The following VPS13B variants were observed in gnomAD, a reference collection of about 807,000 sequenced individuals.
The protein encoded by VPS13B is intermembrane lipid transfer protein VPS13B.
VPS13B carries 285 observed loss-of-function variants against 426.4 expected under a neutral mutation model. The ratio of observed to expected loss-of-function variants is 0.67; its 90% CI spans 0.61 to 0.74. The LOEUF (loss-of-function observed/expected upper bound fraction) is 0.74. VPS13B is among the 30% of genes least tolerant of loss of function. VPS13B has a pLI of 0.00. For synonymous variants in VPS13B, 1,676 were observed against 1,676.4 expected, an observed-to-expected ratio of 1.00 and a Z score of 0.01; for missense variants, 4,537 against 4,782.6, an observed-to-expected ratio of 0.95 and a Z score of 1.51.
chr8:99,322,890 G>A (rs553578128), intron 19 of VPS13B, among the ~76,000 whole-genome samples: 5 of 152,284 alleles, frequency 3.3e-5, no homozygotes, highest in Non-Finnish European at 7.4e-5. Context: ...TCTGATGTGT[G>A]TTATCTTCTG....
intron 22 of VPS13B, 82 bp from the exon 23 acceptor site, chr8:99,442,319 T>G (rs1435699734): frequency 1.8e-5 from 21 of 1,196,390 alleles, no homozygotes; most frequent in Non-Finnish European, 2.5e-5. Context: ...TTTTTTTGGT[T>G]GTTTATTCTG....
At chr8:99,585,339 G>A (rs1191856682) in intron 33 of VPS13B, among the ~76,000 whole-genome samples, 1 of 152,128 alleles carries the variant, frequency 6.6e-6, no homozygotes, top group African/African-American at 2.4e-5. Flanking sequence ...GTTATGCTTA[G>A]TCTTTTTTGG....
At chr8:99,778,399 G>A (rs558509607) in intron 41 of VPS13B, among the ~76,000 whole-genome samples, 1 of 152,240 alleles carries the variant, frequency 6.6e-6, no homozygotes, top group African/African-American at 2.4e-5. Context: ...ATAGATACCT[G>A]CTTTTCAGTT....
In VPS13B at chr8:99,763,140, A is replaced by G. The variant is rs1423855463; in HGVS notation, c.7051-3634A>G. ...AACAGAGTGAGACCTTGTCTCAAAA[A>G]AAAAAAAAAAAAAAAAAAAAAAAAA... On this transcript the variant is annotated intron_variant, in intron 39 of 61. Transcript: ENST00000357162. 4.4e-3 allele frequency among the ~76,000 whole-genome samples: 455 copies of G among 103,580 alleles called. 2 individuals are homozygous for G. Among genetic ancestry groups the G allele is most frequent in the African/African-American group, 0.014 (428 of 31,372 alleles). The allele number at this position is 103,580 out of a possible 152,430, so 68.0% of individuals were successfully genotyped here. A position where few individuals can be genotyped will look rare whatever the true frequency, so the allele number is the denominator to read the frequency against.
chr8:99,447,365 A>T (rs1352732522), intron 23 of VPS13B, among the ~76,000 whole-genome samples: 1 of 152,156 alleles, frequency 6.6e-6, no homozygotes, highest in Non-Finnish European at 1.5e-5. Context: ...AGCGTTTGTG[A>T]GAGGATCATA....
Position 99,778,697 on chromosome 8 carries a change from T to A in VPS13B, c.7445T>A (p.Leu2482Gln). The A allele has an allele frequency of 6.2e-7, 1 of 1,613,952 alleles. No homozygotes were observed. The highest frequency in any genetic ancestry group is 8.5e-7 in the Non-Finnish European group (1 of 1,179,872). ...DQLGTAAPQY[L>Q]QPFVSDRNMP... Reference sequence around the variant, plus strand: ...TTCTCAACAGCTGCACCACAGTACCTACAGCCATTTGTTTCCGACAGAAAT... The same window carrying A: ...TTCTCAACAGCTGCACCACAGTACCAACAGCCATTTGTTTCCGACAGAAAT... The change falls in exon 42 of 62, where the codon CTA (leucine) becomes CAA (glutamine). Residue 2482 changes from leucine (L) to glutamine (Q), a missense_variant. Leu to Gln is a moderately radical substitution (Grantham distance 113, BLOSUM62 -2). Coordinates refer to ENST00000357162, the MANE Select transcript of VPS13B (RefSeq NM_152564.5).
At chr8:99,355,189 C>T (rs1812112599) in intron 19 of VPS13B, among the ~76,000 whole-genome samples, 1 of 152,170 alleles carries the variant, frequency 6.6e-6, no homozygotes, top group African/African-American at 2.4e-5. Context: ...TTCTATCTCA[C>T]TTAGAGTGAT....
intron 33 of VPS13B, among the ~76,000 whole-genome samples, chr8:99,593,356 G>A (rs1826793200): frequency 6.6e-6 from 1 of 152,080 alleles, no homozygotes; most frequent in Non-Finnish European, 1.5e-5. Context: ...AAACCACAAT[G>A]AGATACCATC....
At chr8:99,655,528 C>T (rs761522880) in intron 34 of VPS13B, among the ~76,000 whole-genome samples, 4 of 152,056 alleles carry the variant, frequency 2.6e-5, no homozygotes, top group Non-Finnish European at 5.9e-5. Flanking sequence ...TAGGGAGTCC[C>T]GAGGAGGTGG....
intron 19 of VPS13B, chr8:99,340,244 C>T (rs772815607): frequency 5.1e-6 from 1 of 194,262 alleles, no homozygotes. Context: ...TTAGTTGGAA[C>T]AGTTGGAACC....
At chr8:99,487,220 G>C (rs1423542814) in intron 25 of VPS13B, among the ~76,000 whole-genome samples, 1 of 151,978 alleles carries the variant, frequency 6.6e-6, no homozygotes, top group Non-Finnish European at 1.5e-5. Context: ...GAGGGCCAAA[G>C]AAAAGATATG....
rs1369894896 is a variant in VPS13B, at chr8:99,391,661, C to T, written c.3039C>T (p.Ala1013=). The change falls in exon 21 of 62, where the codon GCC becomes GCT. Residue 1013 remains alanine (A), a synonymous_variant. Coordinates refer to ENST00000357162, the MANE Select transcript of VPS13B (RefSeq NM_152564.5). ...TGGCAAAGCAGCAATCATATCAGGC[C>T]TCTGAATATGCCAGCAGCCCTGTAA... The part of the protein sequence containing the change: ...APLAKQQSYQ[A]SEYASSPVKT... 1.9e-6 allele frequency: 3 copies of T among 1,614,124 alleles called. No individual in the cohort carries two copies. In the South Asian group the frequency reaches 3.3e-5, roughly 18 times the overall value.
chr8:99,842,104 C>G lies in VPS13B; in HGVS notation c.9942+6366C>G. ...AGCATGGTTTCCTAGTTAAGATACT[C>G]TTTTACAAACCACATATATAGAGAT... On this transcript the variant is annotated intron_variant, in intron 54 of 61. Transcript: ENST00000357162. Among the ~76,000 whole-genome samples, 3 of 152,272 alleles carry G rather than the reference C, an allele frequency of 2.0e-5. 1 individual carries two copies. The Middle Eastern group carries it at 0.01, about 518-fold the overall frequency.
At position 99,573,984 on chromosome 8, in the gene VPS13B, G is replaced by T. The variant is rs575878215; in HGVS notation, c.4950-1674G>T. ...ATCCTCTTTTCTTTCGTTGAGCAGT[G>T]GTTTGTAGTTCTCCTTGAAGAGGTC... is the stretch of plus-strand genomic sequence containing the variant. On this transcript the variant is annotated intron_variant, in intron 31 of 61. Transcript: ENST00000357162. Among the ~76,000 whole-genome samples the T allele has an allele frequency of 5.3e-5, 8 of 152,180 alleles. No homozygotes were observed. In the East Asian group the frequency reaches 1.5e-3, roughly 29 times the overall value.
chr8:99,544,988 G>T (rs754504258), intron 30 of VPS13B, among the ~76,000 whole-genome samples: 18 of 152,108 alleles, frequency 1.2e-4, no homozygotes, highest in Non-Finnish European at 2.4e-4. Flanking sequence ...TTTGTGCTCT[G>T]AACCACTACA....
At chr8:99,609,624 T>G (rs1469216298) in intron 33 of VPS13B, among the ~76,000 whole-genome samples, 1 of 152,214 alleles carries the variant, frequency 6.6e-6, no homozygotes, top group Admixed American at 6.5e-5. Flanking sequence ...TCCTTGAGGC[T>G]ATCATTTTGT....
intron 33 of VPS13B, among the ~76,000 whole-genome samples, chr8:99,599,642 G>A (rs1221794307): frequency 6.6e-6 from 1 of 152,076 alleles, no homozygotes; most frequent in African/African-American, 2.4e-5. Context: ...TAACATTAGA[G>A]CCATGGAAGT....
intron 17 of VPS13B, among the ~76,000 whole-genome samples, chr8:99,225,561 G>A (rs1340312840): frequency 6.6e-6 from 1 of 152,100 alleles, no homozygotes; most frequent in East Asian, 1.9e-4. Flanking sequence ...AGAGCTAATG[G>A]TATCACAATT....
At chr8:99,467,340 A>G (rs2133510422) in intron 23 of VPS13B, 74 bp from the exon 24 acceptor site, 1 of 1,432,312 alleles carries the variant, frequency 7.0e-7, no homozygotes, top group Non-Finnish European at 9.8e-7. Context: ...AATGTTTTAC[A>G]TTTTACTATC....
Sources: gnomAD v4.1 joint callset for allele counts (sites outside exome capture counted in the v4.1 genomes callset) on GRCh38, gnomAD v4.1.1 for gene constraint, MANE v1.5 for transcripts, NCBI Gene and HGNC (gene_info 2026-07-23, HGNC 2026-07-21) for gene names.